ANKK1: variants seen among roughly 807,000 people sequenced by gnomAD.
The protein encoded by ANKK1 is ankyrin repeat and protein kinase domain-containing protein 1.
Under a neutral mutation model 37.6 loss-of-function variants are expected in ANKK1, and 37 were observed. That is an observed-to-expected ratio of 0.98 (90% confidence interval 0.76 to 1.29). ANKK1 has a LOEUF of 1.29. Ranked by LOEUF, ANKK1 falls within the 50% of genes most tolerant of loss-of-function variation. ANKK1 has a pLI of 0.00. For missense variants in ANKK1, 1,019 were observed against 990.6 expected (o/e 1.03, Z -0.39); for synonymous variants, 415 against 418.7 (o/e 0.99, Z 0.11).
At position 113,393,579 on chromosome 11, in the gene ANKK1, G is replaced by GT; in HGVS notation, c.285dup (p.Ile96TyrfsTer31). ...TACGGGGTGTGCAAGCAGCCCCTGG[G>GT]TATTGTGATGGAGTTTATGGCCAAC... On this transcript the variant is annotated frameshift_variant, in exon 2 of 8. Coordinates refer to ENST00000303941, the MANE Select transcript of ANKK1 (RefSeq NM_178510.2). LOFTEE classifies it high-confidence loss of function. 6.2e-7 allele frequency: 1 copy of GT among 1,614,026 alleles called. No individual in the cohort carries two copies. The highest frequency in any genetic ancestry group is 8.5e-7 in the Non-Finnish European group (1 of 1,179,900).
chr11:113,399,153 G>T lies in ANKK1; in HGVS notation c.1184G>T (p.Gly395Val). Residue 395 changes from glycine (G) to valine (V), a missense_variant, in exon 8 of 8, where the codon GGA becomes GTA. Physicochemically the swap from Gly to Val is moderately radical, Grantham distance 109. Coordinates refer to ENST00000303941, the MANE Select transcript of ANKK1 (RefSeq NM_178510.2). ...GACGTGGACTGCCAGACGGCCTCTG[G>T]ATACACGCCCCTCCTGATCGCCGCC... is the stretch of plus-strand genomic sequence containing the variant. ...EVDVDCQTASGYTPLLIAAQD... is the reference protein window; with the variant it reads ...EVDVDCQTASVYTPLLIAAQD... The T allele has an allele frequency of 6.3e-7, 1 of 1,596,478 alleles. No individual in the cohort carries two copies. Among genetic ancestry groups the T allele is most frequent in the African/African-American group, 1.3e-5 (1 of 74,540 alleles).
intron 1 of ANKK1, among the ~76,000 whole-genome samples, chr11:113,389,727 A>G (rs1024366228): frequency 6.6e-6 from 1 of 152,232 alleles, no homozygotes; most frequent in African/African-American, 2.4e-5. Flanking sequence ...TTCCAAGAAC[A>G]GACAACAGAG....
chr11:113,399,175 C>T lies in ANKK1; in HGVS notation c.1206C>T (p.Ala402=), dbSNP rs754141107. The T allele has an allele frequency of 1.3e-5, 21 of 1,599,052 alleles. No homozygotes were observed. The highest frequency in any genetic ancestry group is 1.7e-5 in the Non-Finnish European group (20 of 1,173,056). ...TASGYTPLLI[A]AQDQQPDLCA... ...CTGGATACACGCCCCTCCTGATCGC[C>T]GCCCAGGACCAGCAACCCGACCTCT... Residue 402 remains alanine (A), a synonymous_variant, in exon 8 of 8, where the codon GCC becomes GCT. Transcript: ENST00000303941.
chr11:113,397,767 G>A (rs1437274156), intron 6 of ANKK1, among the ~76,000 whole-genome samples: 1 of 152,240 alleles, frequency 6.6e-6, no homozygotes, highest in Non-Finnish European at 1.5e-5. Flanking sequence ...GCAAGGCCCT[G>A]AGCTGCCTCT....
At chr11:113,398,673 G>A (rs1950659503) in intron 7 of ANKK1, among the ~76,000 whole-genome samples, 1 of 152,136 alleles carries the variant, frequency 6.6e-6, no homozygotes, top group Non-Finnish European at 1.5e-5. Flanking sequence ...GCTAAGGTCG[G>A]GGGATGCTGA....
intron 1 of ANKK1, among the ~76,000 whole-genome samples, chr11:113,388,500 A>G (rs1190279966): frequency 6.6e-6 from 1 of 152,036 alleles, no homozygotes; most frequent in African/African-American, 2.4e-5. Flanking sequence ...AGGCTGTGGC[A>G]CTTTGCTCAG....
chr11:113,398,146 C>T lies in ANKK1; in HGVS notation c.994+130C>T, dbSNP rs1950654647. ...CTATCACACATCCAGGGTTTAGGTG[C>T]CCTTTTCCAGCACCCAGCTGCATGT... On this transcript the variant is annotated intron_variant, in intron 7 of 7. Coordinates refer to ENST00000303941, the MANE Select transcript of ANKK1 (RefSeq NM_178510.2). 6 of 1,097,506 alleles carry T rather than the reference C, an allele frequency of 5.5e-6. No homozygotes were observed. In the Middle Eastern group the frequency reaches 8.2e-4, roughly 150 times the overall value. 68.0% of individuals were successfully genotyped at this position (1,097,506 alleles called of 1,614,324 possible).
chr11:113,400,216 G>A lies in ANKK1; in HGVS notation c.2247G>A (p.Pro749=), dbSNP rs534472707. Residue 749 remains proline, a synonymous_variant, in exon 8 of 8, where the codon CCG becomes CCA. Coordinates refer to ENST00000303941, the MANE Select transcript of ANKK1 (RefSeq NM_178510.2). ...TGTCCTTCCTAGAGGGCAAGGAGCCGTCAGTGGCCACTCTGGGTGGTTCTA... is the reference window on the plus strand; with the variant it reads ...TGTCCTTCCTAGAGGGCAAGGAGCCATCAGTGGCCACTCTGGGTGGTTCTA... ...GIMSFLEGKE[P]SVATLGGSKP... The A allele has an allele frequency of 2.4e-5, 38 of 1,552,796 alleles. No homozygotes were observed. The highest frequency in any genetic ancestry group is 1.9e-4 in the Middle Eastern group (1 of 5,370).
At position 113,390,798 on chromosome 11, in the gene ANKK1, C is replaced by T. The variant is rs116253809; in HGVS notation, c.186-2683C>T. ...GGAGATGCATTCATTCCAAGCACTA[C>T]GTGAAAAAAACAAAGTCCTTGCCCT... On this transcript the variant is annotated intron_variant, in intron 1 of 7. Transcript: ENST00000303941. 6.8e-3 allele frequency among the ~76,000 whole-genome samples: 1,019 copies of T among 150,074 alleles called. 15 individuals are homozygous for T. Among genetic ancestry groups the T allele is most frequent in the African/African-American group, 0.023 (944 of 40,928 alleles).
Position 113,387,988 on chromosome 11 carries a change from AG to A in ANKK1, c.106del (p.Val36CysfsTer30). On this transcript the variant is annotated frameshift_variant, in exon 1 of 8. Coordinates refer to ENST00000303941, the MANE Select transcript of ANKK1 (RefSeq NM_178510.2). LOFTEE classifies it high-confidence loss of function. ...WRLVASGGFS[Q>X]VFQARHRRWR... The stretch of plus-strand genomic sequence containing the variant: ...CTAGTGGCCAGCGGCGGCTTCAGCC[AG>A]GTGTTCCAGGCGCGGCACAGGCGCT... 1 of 1,570,684 alleles carries A rather than the reference AG, an allele frequency of 6.4e-7. No individual in the cohort carries two copies. Among genetic ancestry groups the A allele is most frequent in the Non-Finnish European group, 8.6e-7 (1 of 1,164,038 alleles).
intron 1 of ANKK1, 41 bp downstream of exon 1, chr11:113,388,110 T>C: frequency 7.0e-7 from 1 of 1,437,948 alleles, no homozygotes; most frequent in Non-Finnish European, 9.1e-7. Context: ...GAGGAGAAAC[T>C]GAGGCCCGGC....
chr11:113,393,053 T>C (rs1463777722), intron 1 of ANKK1, among the ~76,000 whole-genome samples: 4 of 152,228 alleles, frequency 2.6e-5, no homozygotes, highest in African/African-American at 9.6e-5. Context: ...TTCCCTATGT[T>C]TCCTACAAGG....
In ANKK1 at chr11:113,388,125, TTTGGG is replaced by T. The variant is rs1950560820; in HGVS notation, c.185+57_185+61del. 3.5e-6 allele frequency: 5 copies of T among 1,433,194 alleles called. No individual in the cohort carries two copies. The South Asian group carries it at 5.7e-5, about 16-fold the overall frequency. The allele number at this position is 1,433,194 out of a possible 1,614,324, so 88.8% of individuals were successfully genotyped here. On this transcript the variant is annotated intron_variant, in intron 1 of 7. Transcript: ENST00000303941. ...GAGGAGAAACTGAGGCCCGGCAAGC[TTTGGG>T]CCCAGGGAGCTTGCGAGGAAGGAGT...
chr11:113,394,939 T>G lies in ANKK1; in HGVS notation c.491T>G (p.Phe164Cys), dbSNP rs754072257. The change falls in exon 3 of 8, where the codon TTC becomes TGC. Residue 164 changes from phenylalanine to cysteine, a missense_variant. By Grantham distance (205) the Phe-to-Cys change is radical. Coordinates refer to ENST00000303941, the MANE Select transcript of ANKK1 (RefSeq NM_178510.2). ...DSNMHVKISDFGLSKWMEQST... is the reference protein window; with the variant it reads ...DSNMHVKISDCGLSKWMEQST... ...CCTGCCTTCTCCCAGATTTCAGACT[T>G]CGGCCTGTCCAAGTGGATGGAACAG... is the stretch of plus-strand genomic sequence containing the variant. The G allele has an allele frequency of 1.9e-5, 30 of 1,608,564 alleles. No homozygotes were observed. The highest frequency in any genetic ancestry group is 2.3e-5 in the Non-Finnish European group (27 of 1,176,048).
In ANKK1 at chr11:113,399,990, G is replaced by A. The variant is rs1466239034; in HGVS notation, c.2021G>A (p.Ser674Asn). 6.2e-7 allele frequency: 1 copy of A among 1,613,430 alleles called. No homozygotes were observed. The highest frequency in any genetic ancestry group is 1.3e-5 in the African/African-American group (1 of 74,866). The change falls in exon 8 of 8, where the codon AGT (serine) becomes AAT (asparagine). Residue 674 changes from serine (S) to asparagine (N), a missense_variant. Ser to Asn is a conservative substitution (Grantham distance 46). Transcript: ENST00000303941. ...GCGGTCCAGAGGAGCACCTTCCTGA[G>A]TGTCATCAACCTCCTAGAACATCAC... ...HLAVQRSTFLSVINLLEHHAN... is the reference protein window; with the variant it reads ...HLAVQRSTFLNVINLLEHHAN...
intron 5 of ANKK1, among the ~76,000 whole-genome samples, chr11:113,396,684 G>T (rs763313689): frequency 4.6e-5 from 7 of 152,156 alleles, no homozygotes; most frequent in African/African-American, 1.7e-4. Flanking sequence ...GGGCTGGGAA[G>T]GCAGCACTGG....
intron 1 of ANKK1, among the ~76,000 whole-genome samples, chr11:113,389,255 C>G (rs1035960266): frequency 1.3e-5 from 2 of 152,164 alleles, no homozygotes; most frequent in Non-Finnish European, 2.9e-5. Context: ...TGCCACTTTC[C>G]CTTCCCAAGT....
rs34298987 is a variant in ANKK1 at position 113,399,070 on chromosome 11, C to T, written c.1101C>T (p.His367=). The change falls in exon 8 of 8, where the codon CAC becomes CAT. Residue 367 remains histidine, a synonymous_variant. Coordinates refer to ENST00000303941, the MANE Select transcript of ANKK1 (RefSeq NM_178510.2). The part of the protein sequence containing the change: ...CIYENKVTPL[H]FLVAQGSVEQ... ...ATGAGAACAAGGTCACCCCCCTCCACTTCCTGGTGGCCCAGGGCAGTGTGG... is the reference window on the plus strand; with the variant it reads ...ATGAGAACAAGGTCACCCCCCTCCATTTCCTGGTGGCCCAGGGCAGTGTGG... 3.1e-6 allele frequency: 5 copies of T among 1,602,408 alleles called. No homozygotes were observed. In the Admixed American group the frequency reaches 8.5e-5, roughly 27 times the overall value.
At position 113,394,683 on chromosome 11, in the gene ANKK1, C is replaced by G. The variant is rs1268671632; in HGVS notation, c.481-246C>G. 3 of 645,072 alleles carry G rather than the reference C, an allele frequency of 4.7e-6. No homozygotes were observed. In the Admixed American group the frequency reaches 6.3e-5, roughly 13 times the overall value. The allele number at this position is 645,072 out of a possible 1,614,324, so 40.0% of individuals were successfully genotyped here. A position where few individuals can be genotyped will look rare whatever the true frequency, so the allele number is the denominator to read the frequency against. ...TGCATGGCACCTCATTTAGTGCTCA[C>G]AATAGCACTGTGAGTTAAATGGTCA... On this transcript the variant is annotated intron_variant, in intron 2 of 7. Transcript: ENST00000303941.
Sources: allele counts gnomAD v4.1 joint callset (sites outside exome capture counted in the v4.1 genomes callset), GRCh38; gene constraint gnomAD v4.1.1; transcripts MANE v1.5; gene names NCBI Gene and HGNC (gene_info 2026-07-23, HGNC 2026-07-21).